STXBP5L: variants seen among roughly 807,000 people sequenced by gnomAD.
The protein encoded by STXBP5L is syntaxin binding protein 5L.
Under a neutral mutation model 144.5 loss-of-function variants are expected in STXBP5L, and 65 were observed. That is an observed-to-expected ratio of 0.45 (90% CI 0.37 to 0.55). The LOEUF is 0.55. STXBP5L is among the 20% of genes least tolerant of loss of function. The pLI is 0.00. For missense variants in STXBP5L, 1,298 were observed against 1,405.5 expected (o/e 0.92, Z 1.22); for synonymous variants, 505 against 469.6 (o/e 1.08, Z -0.97).
At position 121,418,324 on chromosome 3, in the gene STXBP5L, C is replaced by T. The variant is rs759909090; in HGVS notation, c.3227-13C>T. ...GACAAAATGTTTTAAATTGCTATTG[C>T]ATATATTCTCAGTTGGGGAAGCTTC... is the stretch of plus-strand genomic sequence containing the variant. On this transcript the variant is annotated splice_polypyrimidine_tract_variant and intron_variant, in intron 25 of 26. Transcript: ENST00000471454. The T allele has an allele frequency of 6.2e-7, 1 of 1,609,994 alleles. No homozygotes were observed. Among genetic ancestry groups the T allele is most frequent in the Non-Finnish European group, 8.5e-7 (1 of 1,177,770 alleles).
chr3:121,375,590 T>C (rs2108672087), intron 20 of STXBP5L, among the ~76,000 whole-genome samples: 1 of 152,316 alleles, frequency 6.6e-6, no homozygotes, highest in South Asian at 2.1e-4. Context: ...AGGATTGTTG[T>C]GAAGGTTAAA....
chr3:120,981,554 C>A (rs552622467), intron 3 of STXBP5L, among the ~76,000 whole-genome samples: 7 of 151,974 alleles, frequency 4.6e-5, no homozygotes, highest in African/African-American at 1.7e-4. Context: ...AAATAATTAT[C>A]CTTAGTAAGT....
At chr3:121,357,794 A>G (rs565626779) in intron 20 of STXBP5L, 1 of 152,350 alleles carries the variant, frequency 6.6e-6, no homozygotes, top group East Asian at 1.9e-4. Flanking sequence ...ATTCCAAAAT[A>G]GAGCATGCAG....
At chr3:121,416,119 CT>C in intron 25 of STXBP5L, 151 bp downstream of exon 25, 2 of 570,622 alleles carry the variant, frequency 3.5e-6, no homozygotes, top group Non-Finnish European at 6.0e-6. Flanking sequence ...TATTTGTTTC[CT>C]TCTGTACCAT....
intron 19 of STXBP5L, among the ~76,000 whole-genome samples, chr3:121,287,612 C>T (rs963663718): frequency 3.3e-5 from 5 of 152,006 alleles, no homozygotes; most frequent in South Asian, 2.1e-4. Context: ...GGGTGGATCA[C>T]GAGGTCAGGG....
At chr3:121,079,586 A>G (rs1273060261) in intron 5 of STXBP5L, among the ~76,000 whole-genome samples, 1 of 152,264 alleles carries the variant, frequency 6.6e-6, no homozygotes, top group Non-Finnish European at 1.5e-5. Context: ...CTTCAAACCC[A>G]AAAATAATTC....
chr3:121,002,748 T>A (rs1943895641), intron 3 of STXBP5L, among the ~76,000 whole-genome samples: 1 of 145,904 alleles, frequency 6.9e-6, no homozygotes, highest in East Asian at 2.2e-4. Context: ...ATGTTCCCCT[T>A]CCTGTGTCCA....
At chr3:121,240,644 C>T in intron 14 of STXBP5L, 137 bp downstream of exon 14, 1 of 715,634 alleles carries the variant, frequency 1.4e-6, no homozygotes. Flanking sequence ...AGCTTCTACC[C>T]AAAGATTCTC....
At chr3:120,995,538 A>G (rs944953635) in intron 3 of STXBP5L, among the ~76,000 whole-genome samples, 1 of 150,522 alleles carries the variant, frequency 6.6e-6, no homozygotes, top group African/African-American at 2.4e-5. Context: ...TGATTTATTT[A>G]TGTTGTTTTG....
chr3:121,184,476 T>A (rs978568858), intron 9 of STXBP5L, among the ~76,000 whole-genome samples: 17 of 151,308 alleles, frequency 1.1e-4, no homozygotes, highest in Admixed American at 9.2e-4. Flanking sequence ...AGATTGAAGA[T>A]CACCTTAATG....
At chr3:121,353,328 G>T (rs2045375142) in intron 20 of STXBP5L, among the ~76,000 whole-genome samples, 1 of 151,976 alleles carries the variant, frequency 6.6e-6, no homozygotes, top group Non-Finnish European at 1.5e-5. Flanking sequence ...TTTTTTCGTT[G>T]GTAGGCTATT....
At position 121,257,343 on chromosome 3, in the gene STXBP5L, T is replaced by C; in HGVS notation, c.1832+10T>C. ...GTATTCCATGCCTCAAGTAAGAGTT[T>C]CTACCAAATTTTCAAACAATTTTAG... On this transcript the variant is annotated intron_variant, in intron 17 of 26. Transcript: ENST00000471454. 1 of 1,585,622 alleles carries C rather than the reference T, an allele frequency of 6.3e-7. No homozygotes were observed. Among genetic ancestry groups the C allele is most frequent in the Non-Finnish European group, 8.6e-7 (1 of 1,166,602 alleles).
intron 22 of STXBP5L, among the ~76,000 whole-genome samples, chr3:121,405,652 G>A (rs1210471457): frequency 6.6e-6 from 1 of 152,108 alleles, no homozygotes; most frequent in East Asian, 1.9e-4. Context: ...TACTTTGTAA[G>A]TGTATTTCTG....
At chr3:121,353,426 C>T (rs1312391610) in intron 20 of STXBP5L, among the ~76,000 whole-genome samples, 2 of 152,006 alleles carry the variant, frequency 1.3e-5, no homozygotes, top group African/African-American at 4.8e-5. Flanking sequence ...TGTGTGTGTC[C>T]AGGATTTTAT....
Position 121,047,023 on chromosome 3 carries a change from G to A in STXBP5L, c.470+1488G>A, listed in dbSNP as rs115814547. 8.4e-3 allele frequency among the ~76,000 whole-genome samples: 1,272 copies of A among 152,100 alleles called. 21 individuals are homozygous for A. The highest frequency in any genetic ancestry group is 0.028 in the African/African-American group (1,173 of 41,514). The stretch of plus-strand genomic sequence containing the variant: ...AAACTTTCCTCTTAGCACTACTTTA[G>A]CTGTGTCCTAGAGATTCTGGTATGT... On this transcript the variant is annotated intron_variant, in intron 5 of 26. Coordinates refer to ENST00000471454, the MANE Select transcript of STXBP5L (RefSeq NM_001308330.2).
chr3:121,415,057 T>C (rs998123743), intron 24 of STXBP5L, among the ~76,000 whole-genome samples: 2 of 152,056 alleles, frequency 1.3e-5, no homozygotes, highest in Admixed American at 1.3e-4. Context: ...CAGGTCTCAG[T>C]AGAGGTAAAG....
chr3:120,923,792 G>A (rs747019719), intron 2 of STXBP5L, among the ~76,000 whole-genome samples: 10 of 151,988 alleles, frequency 6.6e-5, no homozygotes, highest in Non-Finnish European at 1.5e-4. Flanking sequence ...ATGTGCTGAT[G>A]AAAAAAATGT....
At position 121,134,554 on chromosome 3, in the gene STXBP5L, C is replaced by T. The variant is rs907187120; in HGVS notation, c.669+12850C>T. On this transcript the variant is annotated intron_variant, in intron 7 of 26. Transcript: ENST00000471454. ...ATATCTCCTAATGCTTTCCCTCCCC[C>T]CTTCCCCCACCCCATAACAGGCCCT... is the stretch of plus-strand genomic sequence containing the variant. Among the ~76,000 whole-genome samples, 7 of 152,156 alleles carry T rather than the reference C, an allele frequency of 4.6e-5. No homozygotes were observed. The East Asian group carries it at 9.7e-4, about 21-fold the overall frequency.
At chr3:121,373,204 G>T (rs1019850986) in intron 20 of STXBP5L, among the ~76,000 whole-genome samples, 2 of 152,228 alleles carry the variant, frequency 1.3e-5, no homozygotes, top group African/African-American at 4.8e-5. Flanking sequence ...AAGGAAGCAA[G>T]GCACTCAGTT....
Sources: gnomAD v4.1 joint callset for allele counts (sites outside exome capture counted in the v4.1 genomes callset) on GRCh38, gnomAD v4.1.1 for gene constraint, MANE v1.5 for transcripts, NCBI Gene and HGNC (gene_info 2026-07-23, HGNC 2026-07-21) for gene names.